The following PACRG variants were observed in gnomAD, a reference collection of about 807,000 sequenced individuals.
PACRG encodes parkin coregulated.
A neutral mutation model predicts 29.7 loss-of-function variants in PACRG; 29 were observed. The ratio of observed to expected loss-of-function variants is 0.98; its 90% CI spans 0.73 to 1.33. The LOEUF (loss-of-function observed/expected upper bound fraction) is 1.33. Among genes scored for constraint, PACRG ranks in the 40% most tolerant of loss-of-function variants. PACRG has a pLI of 0.00. For missense variants in PACRG, 279 were observed against 316.2 expected (o/e 0.88, Z 0.89); for synonymous variants, 116 against 118.7 (o/e 0.98, Z 0.15).
intron 2 of PACRG, among the ~76,000 whole-genome samples, chr6:162,901,306 AT>A (rs1335573290): frequency 1.3e-5 from 2 of 152,188 alleles, no homozygotes; most frequent in Non-Finnish European, 2.9e-5. Context: ...TGGGAAGGTG[AT>A]GAGCCTCTTA....
chr6:163,008,540 A>G (rs1330876420), intron 2 of PACRG, among the ~76,000 whole-genome samples: 7 of 151,380 alleles, frequency 4.6e-5, no homozygotes, highest in African/African-American at 1.7e-4. Flanking sequence ...CCACAGAGTA[A>G]TCATTAGACA....
At chr6:163,136,326 C>G (rs1340563233) in intron 4 of PACRG, among the ~76,000 whole-genome samples, 2 of 152,226 alleles carry the variant, frequency 1.3e-5, no homozygotes, top group African/African-American at 4.8e-5. Flanking sequence ...GTCCCTCCAT[C>G]TCCTTCGAAA....
intron 2 of PACRG, among the ~76,000 whole-genome samples, chr6:162,880,028 T>G (rs1023574600): frequency 3.3e-5 from 5 of 152,256 alleles, no homozygotes; most frequent in African/African-American, 1.2e-4. Context: ...AAACCACACC[T>G]TGGAACCAGA....
chr6:162,947,490 T>G (rs1799204963), intron 2 of PACRG, among the ~76,000 whole-genome samples: 1 of 123,078 alleles, frequency 8.1e-6, no homozygotes, highest in Non-Finnish European at 1.6e-5. Flanking sequence ...TAATCATATA[T>G]ATACTCATAT....
chr6:162,936,003 C>T (rs1798208173), intron 2 of PACRG, among the ~76,000 whole-genome samples: 1 of 152,062 alleles, frequency 6.6e-6, no homozygotes, highest in Non-Finnish European at 1.5e-5. Flanking sequence ...GGGCAATTTA[C>T]AAAAGAAAGA....
intron 2 of PACRG, among the ~76,000 whole-genome samples, chr6:162,983,472 C>A (rs1418000898): frequency 1.3e-5 from 2 of 151,884 alleles, no homozygotes; most frequent in Non-Finnish European, 2.9e-5. Context: ...AGATTTAGAA[C>A]TCCTTTTACC....
chr6:163,153,259 C>T (rs764672290), intron 4 of PACRG, among the ~76,000 whole-genome samples: 5 of 152,088 alleles, frequency 3.3e-5, no homozygotes, highest in Non-Finnish European at 2.9e-5. Flanking sequence ...TTGGTATCTC[C>T]GATCTGATCA....
chr6:162,762,699 G>A (rs1006424282), intron 1 of PACRG, among the ~76,000 whole-genome samples: 8 of 152,162 alleles, frequency 5.3e-5, no homozygotes, highest in Non-Finnish European at 1.5e-5. Context: ...TGAATAGGTG[G>A]TTATTTGTAT....
At chr6:162,837,418 G>A (rs1359352039) in intron 2 of PACRG, among the ~76,000 whole-genome samples, 2 of 152,088 alleles carry the variant, frequency 1.3e-5, no homozygotes, top group Non-Finnish European at 2.9e-5. Context: ...TGGTGGAAGA[G>A]GAGATAGAAT....
intron 2 of PACRG, among the ~76,000 whole-genome samples, chr6:162,941,029 T>C (rs1364071278): frequency 6.1e-5 from 9 of 147,520 alleles, no homozygotes; most frequent in African/African-American, 7.6e-5. Context: ...TGTGTGTTTG[T>C]ATATGTGTGT....
chr6:163,215,374 T>C (rs1301975975), intron 4 of PACRG, among the ~76,000 whole-genome samples: 2 of 152,242 alleles, frequency 1.3e-5, no homozygotes, highest in African/African-American at 4.8e-5. Flanking sequence ...TTTATGTTAA[T>C]TTAGCAATAG....
chr6:163,148,734 A>G (rs1359123947), intron 4 of PACRG, among the ~76,000 whole-genome samples: 1 of 152,068 alleles, frequency 6.6e-6, no homozygotes, highest in African/African-American at 2.4e-5. Flanking sequence ...TTTCTGCATG[A>G]GATGGAGCAT....
chr6:163,135,887 A>G (rs975692819), intron 4 of PACRG, among the ~76,000 whole-genome samples: 5 of 152,204 alleles, frequency 3.3e-5, no homozygotes, highest in African/African-American at 1.2e-4. Flanking sequence ...TGACTAGTGA[A>G]GTTGAGCATC....
chr6:162,810,871 A>G (rs1786802681), intron 1 of PACRG, among the ~76,000 whole-genome samples: 1 of 152,194 alleles, frequency 6.6e-6, no homozygotes, highest in South Asian at 2.1e-4. Context: ...CCAAAGAAGT[A>G]CTCAAAGAAA....
intron 4 of PACRG, among the ~76,000 whole-genome samples, chr6:163,226,656 G>A (rs1370178482): frequency 1.3e-5 from 2 of 152,116 alleles, no homozygotes; most frequent in East Asian, 3.9e-4. Context: ...GGAGGAAGGG[G>A]TAACCTTGAG....
intron 3 of PACRG, among the ~76,000 whole-genome samples, chr6:163,078,874 C>G (rs1423770931): frequency 6.6e-6 from 1 of 152,192 alleles, no homozygotes; most frequent in Non-Finnish European, 1.5e-5. Flanking sequence ...AATGCCTGCT[C>G]AAAGTCCACC....
At chr6:163,248,792 A>G (rs1406304023) in intron 4 of PACRG, among the ~76,000 whole-genome samples, 1 of 152,164 alleles carries the variant, frequency 6.6e-6, no homozygotes, top group Admixed American at 6.6e-5. Flanking sequence ...AGGCGGCCAG[A>G]TCACGAGGTC....
chr6:163,166,145 G>C (rs1368170278), intron 4 of PACRG: 3 of 456,124 alleles, frequency 6.6e-6, no homozygotes, highest in Non-Finnish European at 1.3e-5. Flanking sequence ...AGCGTCGCTT[G>C]CGCCCGGCAC....
rs777180274 is a variant in PACRG, at chr6:163,178,429, C to T, written c.613+89021C>T. On this transcript the variant is annotated intron_variant, in intron 4 of 4. Transcript: ENST00000366888. The stretch of plus-strand genomic sequence containing the variant: ...TCCTTCCTGCAGCCTGGAACTCAAA[C>T]GAGAAGGCCCGGGCTCCGGCAGCCA... 1.5e-4 allele frequency among the ~76,000 whole-genome samples: 23 copies of T among 152,262 alleles called. No individual in the cohort carries two copies. In the East Asian group the frequency reaches 1.5e-3, roughly 10 times the overall value.
Sources: gnomAD v4.1 joint callset for allele counts (sites outside exome capture counted in the v4.1 genomes callset) on GRCh38, gnomAD v4.1.1 for gene constraint, MANE v1.5 for transcripts, NCBI Gene and HGNC (gene_info 2026-07-23, HGNC 2026-07-21) for gene names.